The following NBEA variants were observed in gnomAD, a reference collection of about 807,000 sequenced individuals.
NBEA encodes the protein lysosomal-trafficking regulator 2.
NBEA carries 44 observed loss-of-function variants against 343.4 expected under a neutral mutation model. The ratio of observed to expected loss-of-function variants is 0.13; its 90% CI spans 0.10 to 0.16. The LOEUF (loss-of-function observed/expected upper bound fraction) is 0.16, where lower values mean the gene tolerates loss of function less well. NBEA is among the 10% of genes least tolerant of loss of function. The probability of loss-of-function intolerance (pLI) is 1.00; values close to 1 mark genes in which losing one functional copy is unlikely to be tolerated. For missense variants in NBEA, 2,555 were observed against 3,631.3 expected, an observed-to-expected ratio of 0.70 and a Z score of 7.62; for synonymous variants, 1,175 against 1,238.7, an observed-to-expected ratio of 0.95 and a Z score of 1.08.
intron 38 of NBEA, among the ~76,000 whole-genome samples, chr13:35,360,167 G>A (rs2040729459): frequency 6.6e-6 from 1 of 151,916 alleles, no homozygotes; most frequent in Admixed American, 6.6e-5. Context: ...ACTAATTACT[G>A]ATTATTGTAT....
intron 1 of NBEA, among the ~76,000 whole-genome samples, chr13:35,010,056 T>C (rs182207773): frequency 6.6e-6 from 1 of 152,286 alleles, no homozygotes; most frequent in Admixed American, 6.5e-5. Context: ...CTGTTCAGTT[T>C]TATATGCCTG....
intron 36 of NBEA, among the ~76,000 whole-genome samples, chr13:35,312,738 A>G (rs1384947908): frequency 6.6e-6 from 1 of 152,218 alleles, no homozygotes; most frequent in Admixed American, 6.5e-5. Context: ...TATGATTGCT[A>G]ATATATTGGA....
At chr13:35,350,728 ATGTG>A (rs34088295) in intron 37 of NBEA, among the ~76,000 whole-genome samples, 3,992 of 137,858 alleles carry the variant, frequency 0.029, 119 homozygotes, top group African/African-American at 0.064. Flanking sequence ...AGAGCTATTG[ATGTG>A]TGTGTGTGTG....
At position 35,584,051 on chromosome 13, in the gene NBEA, A is replaced by C. The variant is rs2081177333; in HGVS notation, c.7176+13A>C. ...GCTTGTTCGAATTGTGAGTATCTTC[A>C]TTGAGTTAGCTTGCCTTTGGTACCT... On this transcript the variant is annotated intron_variant, in intron 46 of 58. Coordinates refer to ENST00000379939, the MANE Select transcript of NBEA (RefSeq NM_001385012.1). The C allele has an allele frequency of 6.2e-7, 1 of 1,612,182 alleles. No individual in the cohort carries two copies. The highest frequency in any genetic ancestry group is 8.5e-7 in the Non-Finnish European group (1 of 1,178,984).
intron 36 of NBEA, among the ~76,000 whole-genome samples, chr13:35,318,980 A>G (rs2037943787): frequency 6.6e-6 from 1 of 151,450 alleles, no homozygotes; most frequent in Non-Finnish European, 1.5e-5. Context: ...TGTCTATTTG[A>G]TTCTTCTCTG....
At chr13:35,660,485 A>G (rs748310289) in intron 55 of NBEA, among the ~76,000 whole-genome samples, 1 of 152,206 alleles carries the variant, frequency 6.6e-6, no homozygotes, top group Non-Finnish European at 1.5e-5. Flanking sequence ...AAAAATAAGT[A>G]TTTTAGCTCG....
At chr13:35,010,798 C>T (rs1281592173) in intron 1 of NBEA, among the ~76,000 whole-genome samples, 2 of 134,942 alleles carry the variant, frequency 1.5e-5, no homozygotes, top group African/African-American at 2.9e-5. Context: ...TGTGGTGGTG[C>T]ACACCTGTAG....
chr13:35,280,434 A>G lies in NBEA; in HGVS notation c.5777-9955A>G, dbSNP rs1332993452. 2.0e-5 allele frequency among the ~76,000 whole-genome samples: 3 copies of G among 152,242 alleles called. 1 individual carries two copies. The highest frequency in any genetic ancestry group is 7.2e-5 in the African/African-American group (3 of 41,572). ...TCCCTAGGTCAGTTTTTCTCTAGAA[A>G]TTAATAGCTGTTCATTATTTCAAGT... On this transcript the variant is annotated intron_variant, in intron 34 of 58. Coordinates refer to ENST00000379939, the MANE Select transcript of NBEA (RefSeq NM_001385012.1).
At chr13:35,518,507 T>C (rs1363162403) in intron 41 of NBEA, among the ~76,000 whole-genome samples, 1 of 152,166 alleles carries the variant, frequency 6.6e-6, no homozygotes, top group Non-Finnish European at 1.5e-5. Context: ...ATCCTTGTCT[T>C]AGCAAAGAGA....
chr13:35,242,378 A>G lies in NBEA; in HGVS notation c.5776+9759A>G, dbSNP rs2030458062. ...TTACTGAGCTAGAGGACCAAGACAAACAGAATGAAGAAGAGTGAACAGAGC... is the reference window on the plus strand; with the variant it reads ...TTACTGAGCTAGAGGACCAAGACAAGCAGAATGAAGAAGAGTGAACAGAGC... On this transcript the variant is annotated intron_variant, in intron 34 of 58. Transcript: ENST00000379939. Among the ~76,000 whole-genome samples, 3 of 151,874 alleles carry G rather than the reference A, an allele frequency of 2.0e-5. No individual in the cohort carries two copies. The South Asian group carries it at 6.2e-4, about 31-fold the overall frequency.
chr13:35,017,049 T>C (rs1437765836), intron 1 of NBEA, among the ~76,000 whole-genome samples: 6 of 152,102 alleles, frequency 3.9e-5, no homozygotes, highest in Admixed American at 3.3e-4. Flanking sequence ...TGGGAAGCCA[T>C]TGAAAGACTT....
At chr13:35,079,087 G>A (rs532496782) in intron 10 of NBEA, among the ~76,000 whole-genome samples, 1 of 152,188 alleles carries the variant, frequency 6.6e-6, no homozygotes, top group South Asian at 2.1e-4. Context: ...GTAAAATTTA[G>A]GGTACAAAAT....
At chr13:35,384,046 G>C (rs9544197) in intron 38 of NBEA, among the ~76,000 whole-genome samples, 23,611 of 151,930 alleles carry the variant, frequency 0.16, 2,036 homozygotes, top group East Asian at 0.43. Context: ...AGAACTAATT[G>C]AAAGAAAAAT....
At chr13:35,404,609 G>A (rs867378131) in intron 38 of NBEA, among the ~76,000 whole-genome samples, 2 of 113,002 alleles carry the variant, frequency 1.8e-5, no homozygotes, top group African/African-American at 6.7e-5. Context: ...GTTGTGGGGT[G>A]GGGGGAGGGG....
intron 45 of NBEA, among the ~76,000 whole-genome samples, chr13:35,581,141 A>G (rs2081009280): frequency 6.6e-6 from 1 of 152,198 alleles, no homozygotes; most frequent in African/African-American, 2.4e-5. Context: ...ATACTCAGTA[A>G]TGGGATGGCT....
intron 16 of NBEA, among the ~76,000 whole-genome samples, chr13:35,122,693 C>G (rs899735359): frequency 1.3e-5 from 2 of 152,108 alleles, no homozygotes; most frequent in African/African-American, 4.8e-5. Context: ...ACGTTGTACA[C>G]ATGTACCCTA....
intron 46 of NBEA, among the ~76,000 whole-genome samples, chr13:35,588,976 G>A (rs1808102254): frequency 2.0e-5 from 3 of 152,090 alleles, no homozygotes; most frequent in Non-Finnish European, 4.4e-5. Context: ...AAACCATAAT[G>A]TGTCTTTAAA....
chr13:35,262,785 T>TAA (rs2033322283), intron 34 of NBEA, among the ~76,000 whole-genome samples: 1 of 152,194 alleles, frequency 6.6e-6, no homozygotes, highest in East Asian at 1.9e-4. Flanking sequence ...CAAATACTGA[T>TAA]AAAAGACTTG....
At chr13:35,328,731 A>G (rs2038739917) in intron 36 of NBEA, among the ~76,000 whole-genome samples, 1 of 151,922 alleles carries the variant, frequency 6.6e-6, no homozygotes, top group South Asian at 2.1e-4. Context: ...AGTTCTTTCT[A>G]AAGTGAGAGA....
Sources: gnomAD v4.1 joint callset for allele counts (sites outside exome capture counted in the v4.1 genomes callset) on GRCh38, gnomAD v4.1.1 for gene constraint, MANE v1.5 for transcripts, NCBI Gene and HGNC (gene_info 2026-07-23, HGNC 2026-07-21) for gene names.